ERBB4: variants seen among roughly 807,000 people sequenced by gnomAD.
ERBB4 encodes the protein receptor tyrosine-protein kinase erbB-4.
In ERBB4, 42 loss-of-function variants were observed where a neutral mutation model predicts 158.0. The observed-to-expected ratio is 0.27, with a 90% CI of 0.21 to 0.34. The LOEUF (loss-of-function observed/expected upper bound fraction) is 0.34, where lower values mean the gene tolerates loss of function less well. Among genes scored for constraint, ERBB4 ranks in the 10% least tolerant of loss-of-function variants. ERBB4 has a pLI of 1.00. For synonymous variants in ERBB4, 583 were observed against 558.7 expected (o/e 1.04, Z -0.61); for missense variants, 1,333 against 1,624.1 (o/e 0.82, Z 3.08).
rs1276973580 is a variant in ERBB4 at position 212,514,182 on chromosome 2, A to T, written c.82+24267T>A. On this transcript the variant is annotated intron_variant, in intron 1 of 27. Coordinates refer to ENST00000342788, the MANE Select transcript of ERBB4 (RefSeq NM_005235.3). ...TCAATGCATTGCACTGAAATTGTGT[A>T]AAAAAAAAAAAAGCTTTGCTGCACT... 2.2e-5 allele frequency among the ~76,000 whole-genome samples: 3 copies of T among 136,528 alleles called. No homozygotes were observed. In the East Asian group the frequency reaches 6.1e-4, roughly 28 times the overall value. The allele number at this position is 136,528 out of a possible 152,430, so 89.6% of individuals were successfully genotyped here. A position where few individuals can be genotyped will look rare whatever the true frequency, so the allele number is the denominator to read the frequency against.
At chr2:212,509,982 C>T (rs1381025846) in intron 1 of ERBB4, among the ~76,000 whole-genome samples, 4 of 151,464 alleles carry the variant, frequency 2.6e-5, no homozygotes, top group Admixed American at 2.0e-4. Flanking sequence ...AATGTCAGCA[C>T]GTAGCATGTA....
At chr2:211,457,671 C>T (rs2064417731) in intron 20 of ERBB4, among the ~76,000 whole-genome samples, 1 of 152,170 alleles carries the variant, frequency 6.6e-6, no homozygotes, top group Non-Finnish European at 1.5e-5. Context: ...ATGCCTAACC[C>T]ACAAGGTTAA....
chr2:212,384,478 T>A (rs1241712647), intron 1 of ERBB4, among the ~76,000 whole-genome samples: 1 of 151,626 alleles, frequency 6.6e-6, no homozygotes, highest in Non-Finnish European at 1.5e-5. Flanking sequence ...TTTCTACCAT[T>A]CTGCTTCCAA....
intron 3 of ERBB4, among the ~76,000 whole-genome samples, chr2:211,834,973 G>C (rs913248934): frequency 6.6e-6 from 1 of 151,962 alleles, no homozygotes; most frequent in Admixed American, 6.6e-5. Flanking sequence ...GCTAATGTAG[G>C]CCAAAGCTTT....
At chr2:211,564,897 A>G (rs532414132) in intron 19 of ERBB4, among the ~76,000 whole-genome samples, 1 of 152,346 alleles carries the variant, frequency 6.6e-6, no homozygotes, top group African/African-American at 2.4e-5. Context: ...AAATACATTA[A>G]GAAAGTATTT....
chr2:212,003,220 GGAAGGAAGGA>G (rs2076176732), intron 2 of ERBB4, among the ~76,000 whole-genome samples: 1 of 35,236 alleles, frequency 2.8e-5, no homozygotes, highest in Non-Finnish European at 7.2e-5. Flanking sequence ...AAAGAAGGAA[GGAAGGAAGGA>G]AGGAAGGAAG....
chr2:212,434,760 A>C (rs1325745769), intron 1 of ERBB4, among the ~76,000 whole-genome samples: 6 of 151,998 alleles, frequency 3.9e-5, no homozygotes, highest in Non-Finnish European at 5.9e-5. Context: ...CAGAACAACA[A>C]GGTTTCACAT....
chr2:211,552,233 G>C (rs941147965), intron 20 of ERBB4, among the ~76,000 whole-genome samples: 7 of 151,924 alleles, frequency 4.6e-5, no homozygotes, highest in African/African-American at 1.7e-4. Context: ...AAAAAATTGA[G>C]AAAGTCTATT....
At chr2:212,401,538 G>T (rs1349049673) in intron 1 of ERBB4, among the ~76,000 whole-genome samples, 1 of 152,046 alleles carries the variant, frequency 6.6e-6, no homozygotes, top group Non-Finnish European at 1.5e-5. Flanking sequence ...TGGTATAACA[G>T]TTTTTGCAAG....
At chr2:212,260,264 A>G (rs773150903) in intron 1 of ERBB4, among the ~76,000 whole-genome samples, 4 of 152,136 alleles carry the variant, frequency 2.6e-5, no homozygotes, top group Non-Finnish European at 5.9e-5. Flanking sequence ...TCAGAGTCCA[A>G]AAGGATATTT....
chr2:212,262,055 T>C (rs1238734205), intron 1 of ERBB4, among the ~76,000 whole-genome samples: 1 of 152,194 alleles, frequency 6.6e-6, no homozygotes. Context: ...GTTTAAATTA[T>C]TGATTAACTG....
chr2:211,514,607 G>T (rs1226471696), intron 20 of ERBB4, among the ~76,000 whole-genome samples: 1 of 152,066 alleles, frequency 6.6e-6, no homozygotes, highest in East Asian at 1.9e-4. Context: ...TATGTCCTAG[G>T]CTCTACTATA....
chr2:211,552,330 TAC>T (rs2067119839), intron 20 of ERBB4, among the ~76,000 whole-genome samples: 1 of 151,702 alleles, frequency 6.6e-6, no homozygotes, highest in Admixed American at 6.5e-5. Context: ...TTTGCAAAAA[TAC>T]ACTGAAAAAT....
At chr2:211,782,085 G>A (rs556127082) in intron 4 of ERBB4, among the ~76,000 whole-genome samples, 6 of 152,268 alleles carry the variant, frequency 3.9e-5, no homozygotes, top group African/African-American at 7.2e-5. Flanking sequence ...CTTAAGGGGA[G>A]GAAGTAAGGG....
chr2:211,680,764 GATCT>G (rs1029904922), intron 12 of ERBB4, among the ~76,000 whole-genome samples: 40 of 152,266 alleles, frequency 2.6e-4, no homozygotes, highest in East Asian at 1.9e-3. Flanking sequence ...AGCAGACTTA[GATCT>G]ATCAACAAAT....
chr2:211,379,963 G>T lies in ERBB4; in HGVS notation c.*3652C>A. 1 of 231,792 alleles carries T rather than the reference G, an allele frequency of 4.3e-6. No homozygotes were observed. The highest frequency in any genetic ancestry group is 8.5e-6 in the Non-Finnish European group (1 of 117,284). 14.4% of individuals were successfully genotyped at this position (231,792 alleles called of 1,614,324 possible). On this transcript the variant is annotated 3_prime_UTR_variant, in exon 28 of 28. Transcript: ENST00000342788. ...CAGTCCTTTTCTTGATTTTTCCTTA[G>T]CATTGTAAGTATGCACAATCTTCAT...
intron 1 of ERBB4, among the ~76,000 whole-genome samples, chr2:212,496,073 T>C (rs922291770): frequency 9.2e-5 from 14 of 152,244 alleles, no homozygotes; most frequent in African/African-American, 3.1e-4. Flanking sequence ...ATAATAGTTA[T>C]CCAATTGTAG....
At chr2:212,522,636 G>A (rs1692236954) in intron 1 of ERBB4, among the ~76,000 whole-genome samples, 6 of 151,884 alleles carry the variant, frequency 4.0e-5, no homozygotes, top group Admixed American at 3.9e-4. Context: ...AGAAGCATTG[G>A]ATAGACTTAC....
At chr2:211,472,020 T>C (rs1380443474) in intron 20 of ERBB4, among the ~76,000 whole-genome samples, 2 of 152,200 alleles carry the variant, frequency 1.3e-5, no homozygotes, top group Middle Eastern at 3.4e-3. Flanking sequence ...GTAGGCTTCA[T>C]GCTGTGGAGA....
Sources: allele counts gnomAD v4.1 joint callset (sites outside exome capture counted in the v4.1 genomes callset), GRCh38; gene constraint gnomAD v4.1.1; transcripts MANE v1.5; gene names NCBI Gene and HGNC (gene_info 2026-07-23, HGNC 2026-07-21).